VAV3: variants seen among roughly 807,000 people sequenced by gnomAD.
The protein encoded by VAV3 is vav guanine nucleotide exchange factor 3, also known as guanine nucleotide exchange factor VAV3.
VAV3 carries 94 observed loss-of-function variants against 131.2 expected under a neutral mutation model. That is an observed-to-expected ratio of 0.72 (90% CI 0.61 to 0.85). The LOEUF (loss-of-function observed/expected upper bound fraction) is 0.85, where lower values mean the gene tolerates loss of function less well. Among genes scored for constraint, VAV3 ranks in the 40% least tolerant of loss-of-function variants. The pLI is 0.00. For synonymous variants in VAV3, 349 were observed against 342.0 expected, an observed-to-expected ratio of 1.02 and a Z score of -0.22; for missense variants, 939 against 1,002.7, an observed-to-expected ratio of 0.94 and a Z score of 0.86.
chr1:107,959,350 T>A (rs1287574488), intron 1 of VAV3, among the ~76,000 whole-genome samples: 1 of 152,138 alleles, frequency 6.6e-6, no homozygotes, highest in Non-Finnish European at 1.5e-5. Context: ...CTGTTCTCTT[T>A]GCAGCAAAAT....
chr1:107,762,072 C>G (rs995449643), intron 9 of VAV3, among the ~76,000 whole-genome samples: 1 of 147,478 alleles, frequency 6.8e-6, no homozygotes, highest in Non-Finnish European at 1.5e-5. Context: ...TTGGACAAGT[C>G]ACTTTTCTGA....
intron 1 of VAV3, among the ~76,000 whole-genome samples, chr1:107,911,850 C>T (rs1482389066): frequency 6.6e-6 from 1 of 152,170 alleles, no homozygotes. Context: ...TGGACAGGTC[C>T]TTTAGATTCC....
In VAV3 at chr1:107,747,572, T is replaced by C. The variant is rs867420299; in HGVS notation, c.1502+1396A>G. Among the ~76,000 whole-genome samples the C allele has an allele frequency of 1.1e-4, 17 of 152,318 alleles. No individual in the cohort carries two copies. In the Middle Eastern group the frequency reaches 0.01, roughly 92 times the overall value. ...CAAATGCAATTATTATTAATAATAATAGCAATAATAATAGGTATCACCTAT... is the reference window on the plus strand; with the variant it reads ...CAAATGCAATTATTATTAATAATAACAGCAATAATAATAGGTATCACCTAT... On this transcript the variant is annotated intron_variant, in intron 15 of 26. Transcript: ENST00000370056.
intron 26 of VAV3, 30 bp downstream of exon 26, chr1:107,574,017 T>G: frequency 6.2e-7 from 1 of 1,610,300 alleles, no homozygotes; most frequent in Admixed American, 1.7e-5. Flanking sequence ...TTCTTTCACA[T>G]GCACCAGCAC....
At chr1:107,804,915 C>T (rs79548971) in intron 2 of VAV3, among the ~76,000 whole-genome samples, 22,743 of 148,926 alleles carry the variant, frequency 0.15, 1,991 homozygotes, top group East Asian at 0.3. Flanking sequence ...TGAAGGATAG[C>T]GTTGTTGAAA....
At chr1:107,594,998 CAG>C (rs1651258986) in intron 25 of VAV3, among the ~76,000 whole-genome samples, 1 of 152,116 alleles carries the variant, frequency 6.6e-6, no homozygotes, top group Admixed American at 6.5e-5. Flanking sequence ...ATAGCTTCAA[CAG>C]AGTTTTAAGA....
At chr1:107,702,285 C>A (rs1330096059) in intron 17 of VAV3, among the ~76,000 whole-genome samples, 1 of 152,134 alleles carries the variant, frequency 6.6e-6, no homozygotes, top group African/African-American at 2.4e-5. Flanking sequence ...CACTCACTAT[C>A]ATGAGAACAG....
chr1:107,868,076 AC>A (rs1670084498), intron 2 of VAV3, among the ~76,000 whole-genome samples: 1 of 152,200 alleles, frequency 6.6e-6, no homozygotes, highest in Middle Eastern at 3.2e-3. Flanking sequence ...CCCAGGAACC[AC>A]ACAGAACCAG....
In VAV3 at chr1:107,959,279, T is replaced by A. The variant is rs564993733; in HGVS notation, c.204+5387A>T. On this transcript the variant is annotated intron_variant, in intron 1 of 26. Coordinates refer to ENST00000370056, the MANE Select transcript of VAV3 (RefSeq NM_006113.5). ...CTGTCTAAAAAATAAATAAATTAAT[T>A]AATTAATTAATTAACCCATATATTG... Among the ~76,000 whole-genome samples the A allele has an allele frequency of 1.3e-4, 20 of 151,856 alleles. No homozygotes were observed. The East Asian group carries it at 1.6e-3, about 12-fold the overall frequency.
intron 17 of VAV3, among the ~76,000 whole-genome samples, chr1:107,699,598 T>C (rs1659968226): frequency 6.6e-6 from 1 of 152,206 alleles, no homozygotes; most frequent in African/African-American, 2.4e-5. Context: ...CAACCCCACA[T>C]TTCCCTTCTG....
intron 1 of VAV3, among the ~76,000 whole-genome samples, chr1:107,875,995 C>G (rs567784606): frequency 1.3e-5 from 2 of 152,112 alleles, no homozygotes; most frequent in East Asian, 3.9e-4. Context: ...GCTGAAATGA[C>G]TGTGGAATAG....
rs146451156 is a variant in VAV3 at position 107,956,750 on chromosome 1, G to A, written c.204+7916C>T. On this transcript the variant is annotated intron_variant, in intron 1 of 26. Transcript: ENST00000370056. ...GCCCAAGGTGCCCACTTGAGGTTAG[G>A]GATCATGAACTTAAAGTGAGAGCAG... Among the ~76,000 whole-genome samples, 348 of 152,156 alleles carry A rather than the reference G, an allele frequency of 2.3e-3. 1 individual carries two copies. The highest frequency in any genetic ancestry group is 7.8e-3 in the African/African-American group (322 of 41,500).
intron 10 of VAV3, among the ~76,000 whole-genome samples, chr1:107,758,794 T>G (rs1045887414): frequency 6.6e-6 from 1 of 152,172 alleles, no homozygotes; most frequent in African/African-American, 2.4e-5. Context: ...CAAACTTCTC[T>G]CAATTTCTCC....
Position 107,839,792 on chromosome 1 carries a change from G to A in VAV3, c.321+35109C>T, listed in dbSNP as rs151183247. 9.1e-4 allele frequency among the ~76,000 whole-genome samples: 139 copies of A among 152,014 alleles called. 3 individuals carry two copies. The East Asian group carries it at 0.025, about 28-fold the overall frequency. ...ATAAACTTCCAGCTAAGCAAACCAA[G>A]AAAAAAGAAAGATGACACAAATTGC... On this transcript the variant is annotated intron_variant, in intron 2 of 26. Coordinates refer to ENST00000370056, the MANE Select transcript of VAV3 (RefSeq NM_006113.5).
At chr1:107,664,848 A>G (rs1457194378) in intron 19 of VAV3, among the ~76,000 whole-genome samples, 1 of 152,210 alleles carries the variant, frequency 6.6e-6, no homozygotes. Context: ...ATAGGAATTA[A>G]CCAGATATAG....
chr1:107,666,547 A>G (rs985238225), intron 19 of VAV3, among the ~76,000 whole-genome samples: 1 of 149,828 alleles, frequency 6.7e-6, no homozygotes, highest in Non-Finnish European at 1.5e-5. Context: ...TCCCTTTCAT[A>G]CTTCTATGGC....
intron 20 of VAV3, among the ~76,000 whole-genome samples, chr1:107,638,928 A>G (rs1408971595): frequency 6.6e-6 from 1 of 152,080 alleles, no homozygotes; most frequent in African/African-American, 2.4e-5. Flanking sequence ...ACACACATAT[A>G]AAGATACACA....
intron 9 of VAV3, among the ~76,000 whole-genome samples, chr1:107,762,231 G>A (rs980953590): frequency 6.6e-6 from 1 of 151,918 alleles, no homozygotes; most frequent in African/African-American, 2.4e-5. Flanking sequence ...GTTCATAGAC[G>A]GAGTTGTGCT....
At chr1:107,932,537 G>C (rs923673313) in intron 1 of VAV3, among the ~76,000 whole-genome samples, 1 of 152,172 alleles carries the variant, frequency 6.6e-6, no homozygotes, top group African/African-American at 2.4e-5. Context: ...CTGGTAGGCT[G>C]AATAATAGCC....
Sources: gnomAD v4.1 joint callset for allele counts (sites outside exome capture counted in the v4.1 genomes callset) on GRCh38, gnomAD v4.1.1 for gene constraint, MANE v1.5 for transcripts, NCBI Gene and HGNC (gene_info 2026-07-23, HGNC 2026-07-21) for gene names.